WLS: variants seen among roughly 807,000 people sequenced by gnomAD.
WLS encodes Wnt ligand secretion mediator.
A neutral mutation model predicts 62.8 loss-of-function variants in WLS; 23 were observed. The ratio of observed to expected loss-of-function variants is 0.37; its 90% CI spans 0.26 to 0.52. The LOEUF (loss-of-function observed/expected upper bound fraction) is 0.52. Among genes scored for constraint, WLS ranks in the 20% least tolerant of loss-of-function variants. WLS has a pLI of 0.92. For synonymous variants in WLS, 246 were observed against 244.1 expected, an observed-to-expected ratio of 1.01 and a Z score of -0.07; for missense variants, 615 against 697.3, an observed-to-expected ratio of 0.88 and a Z score of 1.33.
chr1:68,122,691 C>T (rs1215298565), downstream of WLS, among the ~76,000 whole-genome samples: 1 of 152,088 alleles, frequency 6.6e-6, no homozygotes, highest in African/African-American at 2.4e-5. Flanking sequence ...TAAATTTTTT[C>T]TCTAGGTTGA....
In WLS at chr1:68,137,871, T is replaced by C. The variant is rs2100424488; in HGVS notation, c.1425A>G (p.Thr475=). The part of the protein sequence containing the change: ...VTVQVNSAFF[T]GIYGMWNLYV... Reference sequence around the variant, plus strand: ...ACAGATTCCACATCCCATAGATGCCTGTGAAAAAGGCACTGTTCACTTGGA... The same window carrying C: ...ACAGATTCCACATCCCATAGATGCCCGTGAAAAAGGCACTGTTCACTTGGA... Residue 475 remains threonine (T), a synonymous_variant, in exon 11 of 12, where the codon ACA becomes ACG. Coordinates refer to ENST00000262348, the MANE Select transcript of WLS (RefSeq NM_024911.7). 6.2e-7 allele frequency: 1 copy of C among 1,614,044 alleles called. No individual in the cohort carries two copies. The highest frequency in any genetic ancestry group is 1.3e-5 in the African/African-American group (1 of 75,044).
chr1:68,104,764 T>TA (rs369167883), intron 11 of WLS, among the ~76,000 whole-genome samples: 1 of 152,066 alleles, frequency 6.6e-6, no homozygotes, highest in Non-Finnish European at 1.5e-5. Context: ...AAATAATTTT[T>TA]AAAAAAGTAG....
chr1:68,131,348 C>G (rs1189495994), intron 11 of WLS, among the ~76,000 whole-genome samples: 1 of 152,136 alleles, frequency 6.6e-6, no homozygotes, highest in Admixed American at 6.5e-5. Flanking sequence ...TCTAGCCTAG[C>G]ATATCGGCAC....
exon 12 of WLS, chr1:68,098,688 A>G (rs1287392549): frequency 6.2e-7 from 1 of 1,614,082 alleles, no homozygotes; most frequent in East Asian, 2.2e-5. Context: ...GCGCTGAACA[A>G]TTCTTGATAA....
At chr1:68,123,594 A>G (rs979607770), downstream of WLS, among the ~76,000 whole-genome samples, 3 of 151,984 alleles carry the variant, frequency 2.0e-5, no homozygotes, top group African/African-American at 7.3e-5. Flanking sequence ...CAAACTCATC[A>G]TCTTGCCCAC....
intron 2 of WLS, chr1:68,162,798 C>A (rs1646999520): frequency 2.6e-6 from 3 of 1,148,144 alleles, no homozygotes; most frequent in African/African-American, 3.0e-5. Flanking sequence ...CGATCACTCT[C>A]GGGGCCTTAA....
chr1:68,132,195 G>T (rs1414797056), intron 11 of WLS, among the ~76,000 whole-genome samples: 1 of 152,200 alleles, frequency 6.6e-6, no homozygotes, highest in African/African-American at 2.4e-5. Context: ...GGGAGAGGCA[G>T]GGGGCAGAAG....
chr1:68,169,257 A>G (rs1041795525), intron 2 of WLS, among the ~76,000 whole-genome samples: 39 of 152,228 alleles, frequency 2.6e-4, no homozygotes, highest in African/African-American at 8.9e-4. Context: ...TTCTCTTCAA[A>G]GTGACATGCA....
intron 1 of WLS, among the ~76,000 whole-genome samples, chr1:68,209,150 G>C (rs1571017420): frequency 6.6e-6 from 1 of 152,132 alleles, no homozygotes; most frequent in African/African-American, 2.4e-5. Flanking sequence ...TTCAGGGGGG[G>C]TGTGGGTGGG....
chr1:68,143,837 GA>G (rs1646718700), intron 10 of WLS, among the ~76,000 whole-genome samples: 1 of 152,132 alleles, frequency 6.6e-6, no homozygotes, highest in South Asian at 2.1e-4. Flanking sequence ...TTGCAGATAA[GA>G]AAATTAAACC....
chr1:68,106,973 T>C (rs1197149947), intron 11 of WLS, among the ~76,000 whole-genome samples: 2 of 152,216 alleles, frequency 1.3e-5, no homozygotes, highest in Non-Finnish European at 2.9e-5. Context: ...TGAACGTGTA[T>C]ATTCCAATGT....
chr1:68,231,863 G>A (rs755988441), intron 1 of WLS: 8 of 301,916 alleles, frequency 2.6e-5, no homozygotes, highest in South Asian at 2.0e-4. Flanking sequence ...AAAGCGGGGG[G>A]GGGGGGGGGC....
intron 2 of WLS, chr1:68,162,407 G>A: frequency 6.2e-7 from 1 of 1,613,858 alleles, no homozygotes; most frequent in Non-Finnish European, 8.5e-7. Context: ...AAATCCTACA[G>A]AGTGTAGACC....
In WLS at chr1:68,194,199, G is replaced by A. The variant is rs1380569177; in HGVS notation, c.135C>T (p.Tyr45=). The change falls in exon 2 of 12, where the codon TAC becomes TAT. Residue 45 remains tyrosine, a synonymous_variant. Transcript: ENST00000262348. ...IAPGPTTAVS[Y]MSVKCVDARK... ...GGGCATCCACACATTTCACCGACAT[G>A]TAGGACACTGCCGTTGTGGGCCCTG... 1 of 1,614,214 alleles carries A rather than the reference G, an allele frequency of 6.2e-7. No individual in the cohort carries two copies. Among genetic ancestry groups the A allele is most frequent in the Non-Finnish European group, 8.5e-7 (1 of 1,180,040 alleles).
chr1:68,163,082 A>G (rs2100513614), intron 2 of WLS: 1 of 1,567,054 alleles, frequency 6.4e-7, no homozygotes, highest in East Asian at 2.2e-5. Flanking sequence ...GCTTATCCAC[A>G]AGGGCCATAC....
chr1:68,184,095 C>T (rs531010209), intron 2 of WLS, among the ~76,000 whole-genome samples: 1 of 152,300 alleles, frequency 6.6e-6, no homozygotes, highest in East Asian at 1.9e-4. Context: ...AATTTTTCAA[C>T]CCCTGAAACT....
chr1:68,210,339 T>C (rs962918027), intron 1 of WLS, among the ~76,000 whole-genome samples: 1 of 152,184 alleles, frequency 6.6e-6, no homozygotes, highest in African/African-American at 2.4e-5. Context: ...AGAGAAATGA[T>C]AGTCATCTTT....
At chr1:68,165,418 G>T (rs1008464053) in intron 2 of WLS, among the ~76,000 whole-genome samples, 5 of 152,096 alleles carry the variant, frequency 3.3e-5, no homozygotes, top group African/African-American at 1.2e-4. Context: ...TCTAGACCAC[G>T]CTCCGAGATG....
chr1:68,160,114 A>G (rs1405455850), intron 2 of WLS, among the ~76,000 whole-genome samples: 1 of 62,766 alleles, frequency 1.6e-5, no homozygotes, highest in East Asian at 3.8e-4. Flanking sequence ...GTTTAATTCT[A>G]TTTAAAAAGA....
Sources: gnomAD v4.1 joint callset for allele counts (sites outside exome capture counted in the v4.1 genomes callset) on GRCh38, gnomAD v4.1.1 for gene constraint, MANE v1.5 for transcripts, NCBI Gene and HGNC (gene_info 2026-07-23, HGNC 2026-07-21) for gene names.